RASGRF2: variants seen among roughly 807,000 people sequenced by gnomAD.
The protein encoded by RASGRF2 is Ras protein specific guanine nucleotide releasing factor 2.
In RASGRF2, 76 loss-of-function variants were observed where a neutral mutation model predicts 151.0. The ratio of observed to expected loss-of-function variants is 0.50; its 90% CI spans 0.42 to 0.61. The LOEUF is 0.61. RASGRF2 is among the 20% of genes least tolerant of loss of function. The pLI is 0.00. For synonymous variants in RASGRF2, 504 were observed against 566.5 expected (o/e 0.89, Z 1.57); for missense variants, 1,148 against 1,564.6 (o/e 0.73, Z 4.49).
At chr5:81,100,009 G>A (rs1396244715) in intron 12 of RASGRF2, among the ~76,000 whole-genome samples, 6 of 148,604 alleles carry the variant, frequency 4.0e-5, no homozygotes, top group Admixed American at 2.1e-4. Context: ...CCGGGTTCAC[G>A]CCATTCTCCT....
chr5:81,002,505 T>G (rs1359676541), intron 1 of RASGRF2, among the ~76,000 whole-genome samples: 1 of 152,204 alleles, frequency 6.6e-6, no homozygotes, highest in Non-Finnish European at 1.5e-5. Flanking sequence ...TTTTAATATT[T>G]TCTGTGACTC....
intron 2 of RASGRF2, among the ~76,000 whole-genome samples, chr5:81,054,132 A>G (rs1032489312): frequency 1.3e-5 from 2 of 152,232 alleles, no homozygotes; most frequent in Non-Finnish European, 2.9e-5. Flanking sequence ...GAGTTTAATT[A>G]GATCCCATTT....
chr5:81,215,342 C>G (rs568974720), intron 23 of RASGRF2, among the ~76,000 whole-genome samples: 58 of 148,518 alleles, frequency 3.9e-4, no homozygotes, highest in African/African-American at 1.3e-3. Flanking sequence ...GCAATCTCGG[C>G]TCACTGCAAC....
At chr5:81,008,482 C>G (rs1328053336) in intron 1 of RASGRF2, among the ~76,000 whole-genome samples, 1 of 152,136 alleles carries the variant, frequency 6.6e-6, no homozygotes, top group Non-Finnish European at 1.5e-5. Flanking sequence ...TATTTTAGCA[C>G]TTTGACACAT....
chr5:81,200,750 A>G (rs1755369902), intron 18 of RASGRF2, among the ~76,000 whole-genome samples: 1 of 152,198 alleles, frequency 6.6e-6, no homozygotes, highest in African/African-American at 2.4e-5. Flanking sequence ...TGGGTGCACA[A>G]AGAAAAGCTC....
At chr5:81,147,123 CA>C (rs1754025048) in intron 17 of RASGRF2, among the ~76,000 whole-genome samples, 1 of 152,174 alleles carries the variant, frequency 6.6e-6, no homozygotes, top group Non-Finnish European at 1.5e-5. Context: ...GTATAATTAT[CA>C]GCCAATGTTG....
Position 80,974,208 on chromosome 5 carries a change from A to T in RASGRF2, c.288+13182A>T, listed in dbSNP as rs528307359. ...GTTCCAGACAGTTCGATCAGCAGCC[A>T]TGATTTGTTTCCAGATTCACATCCA... On this transcript the variant is annotated intron_variant, in intron 1 of 26. Coordinates refer to ENST00000265080, the MANE Select transcript of RASGRF2 (RefSeq NM_006909.3). Among the ~76,000 whole-genome samples, 9 of 152,338 alleles carry T rather than the reference A, an allele frequency of 5.9e-5. No homozygotes were observed. The South Asian group carries it at 1.9e-3, about 32-fold the overall frequency.
chr5:81,073,427 G>A lies in RASGRF2; in HGVS notation c.862G>A (p.Asp288Asn), dbSNP rs889399240. 6.8e-6 allele frequency: 11 copies of A among 1,613,980 alleles called. No homozygotes were observed. Among genetic ancestry groups the A allele is most frequent in the African/African-American group, 5.3e-5 (4 of 74,906 alleles). Residue 288 changes from aspartate to asparagine, a missense_variant, in exon 5 of 27, where the codon GAC (aspartate) becomes AAC (asparagine). Asp to Asn is a conservative substitution (Grantham distance 23). This residue lies in a region of RASGRF2 where 176 missense variants were observed against 309.6 expected (regional missense o/e 0.57). Coordinates refer to ENST00000265080, the MANE Select transcript of RASGRF2 (RefSeq NM_006909.3). ...SSKKPPISHD[D>N]VSSIFLNSET... ...CAAGAAGCCCCCCATCAGCCACGAC[G>A]ACGTCAGCAGTATTTTTCTTAACAG...
intron 15 of RASGRF2, among the ~76,000 whole-genome samples, chr5:81,118,995 A>G (rs1753233290): frequency 6.6e-6 from 1 of 152,196 alleles, no homozygotes; most frequent in Non-Finnish European, 1.5e-5. Context: ...CCAACATTCT[A>G]TCATGACCAC....
At chr5:81,218,835 G>A (rs142504520) in intron 25 of RASGRF2, among the ~76,000 whole-genome samples, 3,205 of 152,226 alleles carry the variant, frequency 0.021, 108 homozygotes, top group African/African-American at 0.073. Flanking sequence ...CATGAGCATG[G>A]GATGTGTTTC....
At chr5:81,123,132 C>T (rs747438838) in intron 15 of RASGRF2, among the ~76,000 whole-genome samples, 1 of 152,112 alleles carries the variant, frequency 6.6e-6, no homozygotes. Context: ...TACATAGCCA[C>T]GTTTGGGTAG....
At chr5:81,210,765 C>T (rs1412781146) in intron 22 of RASGRF2, among the ~76,000 whole-genome samples, 1 of 152,178 alleles carries the variant, frequency 6.6e-6, no homozygotes. Context: ...CTCTCCCAGT[C>T]CTTGTGCCCC....
chr5:81,101,306 A>G (rs552375116), intron 12 of RASGRF2, among the ~76,000 whole-genome samples: 59 of 152,194 alleles, frequency 3.9e-4, no homozygotes, highest in Non-Finnish European at 6.9e-4. Flanking sequence ...TTCCTCTGTA[A>G]GTCTGTTCAT....
intron 18 of RASGRF2, among the ~76,000 whole-genome samples, chr5:81,196,615 A>ACCCCCCCCCCCCCCCCCCCCCTCCCCCC (rs1554041549): frequency 1.1e-5 from 1 of 90,992 alleles, no homozygotes; most frequent in Non-Finnish European, 2.3e-5. Flanking sequence ...AGCGTCCCCC[A>ACCCCCCCCCCCCCCCCCCCCCTCCCCCC]CCCCACTCCC....
intron 25 of RASGRF2, among the ~76,000 whole-genome samples, 191 bp downstream of exon 25, chr5:81,217,664 C>G (rs1755772806): frequency 6.8e-6 from 1 of 146,632 alleles, no homozygotes; most frequent in Admixed American, 6.9e-5. Flanking sequence ...ACTGCAACCT[C>G]TGCCTCTGGG....
intron 17 of RASGRF2, among the ~76,000 whole-genome samples, chr5:81,148,126 G>T (rs1054002649): frequency 2.6e-5 from 4 of 152,218 alleles, no homozygotes; most frequent in Non-Finnish European, 4.4e-5. Flanking sequence ...AGCCTGTGAA[G>T]TAGGAAGGCA....
chr5:81,094,179 T>G (rs1752471223), intron 10 of RASGRF2, 117 bp from the exon 11 acceptor site: 3 of 726,870 alleles, frequency 4.1e-6, no homozygotes, highest in Admixed American at 6.4e-5. Flanking sequence ...AAATTATTTA[T>G]GATGCAGAAT....
At chr5:81,063,648 T>C (rs899863170) in intron 2 of RASGRF2, among the ~76,000 whole-genome samples, 1 of 152,194 alleles carries the variant, frequency 6.6e-6, no homozygotes, top group African/African-American at 2.4e-5. Flanking sequence ...TCTAGGTTAC[T>C]CAGTTTTCCT....
chr5:81,212,658 C>G, intron 23 of RASGRF2, 95 bp downstream of exon 23: 1 of 1,210,928 alleles, frequency 8.3e-7, no homozygotes, highest in Admixed American at 2.8e-5. Context: ...AAATCATTAA[C>G]TGAAATGAGC....
Sources: allele counts gnomAD v4.1 joint callset (sites outside exome capture counted in the v4.1 genomes callset), GRCh38; gene constraint gnomAD v4.1.1; regional missense constraint gnomAD v4.1.1; transcripts MANE v1.5; gene names NCBI Gene and HGNC (gene_info 2026-07-23, HGNC 2026-07-21).